The following TMEM132D variants were observed in gnomAD, a reference collection of about 807,000 sequenced individuals.
The protein encoded by TMEM132D is mature OL transmembrane protein.
Under a neutral mutation model 62.3 loss-of-function variants are expected in TMEM132D, and 21 were observed. The observed-to-expected ratio is 0.34, with a 90% CI of 0.24 to 0.49. The LOEUF is 0.49. TMEM132D is among the 20% of genes least tolerant of loss of function. The pLI is 0.99. For missense variants in TMEM132D, 1,346 were observed against 1,402.8 expected, an observed-to-expected ratio of 0.96 and a Z score of 0.65; for synonymous variants, 621 against 575.6, an observed-to-expected ratio of 1.08 and a Z score of -1.13.
chr12:129,787,869 A>C (rs752210036), intron 1 of TMEM132D, among the ~76,000 whole-genome samples: 22 of 152,182 alleles, frequency 1.4e-4, no homozygotes, highest in Non-Finnish European at 2.9e-4. Flanking sequence ...TCCTGCAGGG[A>C]AGGAGGCTGC....
intron 3 of TMEM132D, among the ~76,000 whole-genome samples, chr12:129,524,093 A>AG (rs1875937214): frequency 6.8e-6 from 1 of 146,120 alleles, no homozygotes; most frequent in African/African-American, 2.5e-5. Context: ...GGGTGGGGGG[A>AG]GTGGGGAGGG....
intron 2 of TMEM132D, among the ~76,000 whole-genome samples, chr12:129,631,822 A>G (rs1469129127): frequency 6.6e-6 from 1 of 152,148 alleles, no homozygotes; most frequent in African/African-American, 2.4e-5. Context: ...TTGGCATCCT[A>G]AAGAAAAAGA....
At chr12:129,558,507 G>A (rs377637876) in intron 2 of TMEM132D, among the ~76,000 whole-genome samples, 48 of 152,264 alleles carry the variant, frequency 3.2e-4, no homozygotes, top group South Asian at 2.9e-3. Flanking sequence ...GATTTCGAGC[G>A]TGGGCTCCTA....
intron 1 of TMEM132D, among the ~76,000 whole-genome samples, chr12:129,806,990 C>T (rs1872010790): frequency 2.6e-5 from 4 of 152,090 alleles, no homozygotes; most frequent in Admixed American, 2.6e-4. Flanking sequence ...GCCAAGACTG[C>T]ACCACTGCAC....
intron 4 of TMEM132D, among the ~76,000 whole-genome samples, chr12:129,312,296 G>A (rs556148909): frequency 2.0e-5 from 3 of 152,254 alleles, no homozygotes; most frequent in African/African-American, 7.2e-5. Flanking sequence ...TGGAGTGAGG[G>A]ACAATTTGCT....
intron 3 of TMEM132D, among the ~76,000 whole-genome samples, chr12:129,430,475 GC>G (rs1398496117): frequency 1.3e-5 from 2 of 151,992 alleles, no homozygotes; most frequent in Non-Finnish European, 1.5e-5. Flanking sequence ...CTGCATATTA[GC>G]CCTTTGTTTT....
chr12:129,154,832 G>A (rs1877186410), intron 5 of TMEM132D, among the ~76,000 whole-genome samples: 1 of 152,154 alleles, frequency 6.6e-6, no homozygotes, highest in Admixed American at 6.5e-5. Flanking sequence ...CAGACCCAGA[G>A]CATTTGCCCT....
At position 129,092,446 on chromosome 12, in the gene TMEM132D, G is replaced by T. The variant is rs78329924; in HGVS notation, c.1444-7744C>A. On this transcript the variant is annotated intron_variant, in intron 5 of 8. Coordinates refer to ENST00000422113, the MANE Select transcript of TMEM132D (RefSeq NM_133448.3). ...GTTAGGTAGCACCTTTTTGTGCTTA[G>T]TCTCTGTCTTGGATTAAAAATGTGG... 9.2e-3 allele frequency among the ~76,000 whole-genome samples: 1,391 copies of T among 151,884 alleles called. 30 individuals carry two copies. The highest frequency in any genetic ancestry group is 0.031 in the African/African-American group (1,279 of 41,414).
chr12:129,480,186 C>T (rs996062533), intron 3 of TMEM132D, among the ~76,000 whole-genome samples: 2 of 152,232 alleles, frequency 1.3e-5, no homozygotes, highest in Non-Finnish European at 2.9e-5. Context: ...ATGCCAGAAG[C>T]CCTAGTGTGT....
intron 3 of TMEM132D, among the ~76,000 whole-genome samples, chr12:129,442,120 C>T (rs1439137234): frequency 6.6e-6 from 1 of 152,148 alleles, no homozygotes; most frequent in Non-Finnish European, 1.5e-5. Flanking sequence ...ACACATGTAC[C>T]CCCGGAATCT....
chr12:129,227,047 G>A (rs2135576391), intron 4 of TMEM132D, among the ~76,000 whole-genome samples: 1 of 152,186 alleles, frequency 6.6e-6, no homozygotes, highest in Non-Finnish European at 1.5e-5. Flanking sequence ...TCCTTAAGCT[G>A]ATTAGGCAGT....
intron 5 of TMEM132D, among the ~76,000 whole-genome samples, chr12:129,183,564 C>T (rs566459718): frequency 4.7e-4 from 71 of 152,324 alleles, no homozygotes; most frequent in African/African-American, 1.6e-3. Flanking sequence ...TTGATGCCAA[C>T]GGTCTTTCAG....
intron 3 of TMEM132D, among the ~76,000 whole-genome samples, chr12:129,479,010 T>C (rs1487804044): frequency 1.3e-5 from 2 of 152,234 alleles, no homozygotes; most frequent in Non-Finnish European, 2.9e-5. Context: ...CTCCTCTTTG[T>C]TCTCTTACGT....
At chr12:129,770,920 G>A (rs753512223) in intron 1 of TMEM132D, among the ~76,000 whole-genome samples, 2 of 152,214 alleles carry the variant, frequency 1.3e-5, no homozygotes, top group East Asian at 1.9e-4. Context: ...ACCATCGTAA[G>A]CCGAGGACTG....
chr12:129,468,185 T>TTGTGTG (rs34249925), intron 3 of TMEM132D, among the ~76,000 whole-genome samples: 17,231 of 151,046 alleles, frequency 0.11, 1,050 homozygotes, highest in South Asian at 0.2. Flanking sequence ...ACACAAAGCT[T>TTGTGTG]TGTGTGTGTG....
chr12:129,658,105 T>C (rs1409963896), intron 2 of TMEM132D, among the ~76,000 whole-genome samples: 2 of 152,174 alleles, frequency 1.3e-5, no homozygotes, highest in Non-Finnish European at 2.9e-5. Flanking sequence ...AAAGCTTTTC[T>C]GGGGAGGTGA....
intron 1 of TMEM132D, among the ~76,000 whole-genome samples, chr12:129,890,188 G>T (rs912237082): frequency 6.6e-6 from 1 of 152,184 alleles, no homozygotes; most frequent in African/African-American, 2.4e-5. Context: ...ATCTCTCAGA[G>T]CTTGGGTTTT....
chr12:129,395,965 A>ATATATCATATAAATATATATTATATAAAG (rs1871417330), intron 3 of TMEM132D, among the ~76,000 whole-genome samples: 2 of 141,562 alleles, frequency 1.4e-5, no homozygotes, highest in Admixed American at 1.4e-4. Context: ...AATATATAAT[A>ATATATCATATAAATATATATTATATAAAG]TATATCATAT....
At chr12:129,244,231 A>T (rs1880014556) in intron 4 of TMEM132D, among the ~76,000 whole-genome samples, 1 of 12,322 alleles carries the variant, frequency 8.1e-5, no homozygotes, top group Non-Finnish European at 2.4e-4. Flanking sequence ...TAAAAATACA[A>T]AAAAATTAGC....
Sources: gnomAD v4.1 joint callset for allele counts (sites outside exome capture counted in the v4.1 genomes callset) on GRCh38, gnomAD v4.1.1 for gene constraint, MANE v1.5 for transcripts, NCBI Gene and HGNC (gene_info 2026-07-23, HGNC 2026-07-21) for gene names.